The following PCDH9 variants were observed in gnomAD, a reference collection of about 807,000 sequenced individuals.
PCDH9 encodes the protein protocadherin-9.
Under a neutral mutation model 70.6 loss-of-function variants are expected in PCDH9, and 24 were observed. The ratio of observed to expected loss-of-function variants is 0.34; its 90% CI spans 0.25 to 0.48. The LOEUF (loss-of-function observed/expected upper bound fraction) is 0.48. Ranked by LOEUF, PCDH9 falls within the 20% of genes least tolerant of loss-of-function variation. PCDH9 has a pLI of 0.99. For synonymous variants in PCDH9, 562 were observed against 558.5 expected, an observed-to-expected ratio of 1.01 and a Z score of -0.09; for missense variants, 1,281 against 1,503.6, an observed-to-expected ratio of 0.85 and a Z score of 2.45.
intron 2 of PCDH9, among the ~76,000 whole-genome samples, chr13:67,130,073 G>GA (rs2087075007): frequency 6.6e-6 from 1 of 152,088 alleles, no homozygotes; most frequent in African/African-American, 2.4e-5. Context: ...GCATTTATGG[G>GA]AAGGCAGAGA....
intron 3 of PCDH9, among the ~76,000 whole-genome samples, chr13:66,830,758 G>T (rs2080911246): frequency 6.6e-6 from 1 of 152,136 alleles, no homozygotes; most frequent in Non-Finnish European, 1.5e-5. Context: ...GAATTACATG[G>T]TTGATTATTT....
chr13:66,945,726 T>C (rs773621500), intron 2 of PCDH9, among the ~76,000 whole-genome samples: 1 of 152,178 alleles, frequency 6.6e-6, no homozygotes, highest in African/African-American at 2.4e-5. Flanking sequence ...GTTATTTTCA[T>C]CTACTCTCTT....
intron 4 of PCDH9, among the ~76,000 whole-genome samples, chr13:66,605,332 A>T (rs1397116063): frequency 6.6e-6 from 1 of 152,150 alleles, no homozygotes; most frequent in East Asian, 1.9e-4. Context: ...ATCAACAAGT[A>T]ATATATGTTG....
chr13:66,551,981 C>G (rs9540812), intron 4 of PCDH9, among the ~76,000 whole-genome samples: 1 of 151,896 alleles, frequency 6.6e-6, no homozygotes, highest in Admixed American at 6.6e-5. Flanking sequence ...AAATGAACCT[C>G]TTTGTGAACA....
At chr13:66,836,049 T>C (rs2081012244) in intron 3 of PCDH9, among the ~76,000 whole-genome samples, 4 of 152,002 alleles carry the variant, frequency 2.6e-5, no homozygotes, top group African/African-American at 4.8e-5. Flanking sequence ...AGTTGAAACA[T>C]GAGAAACAAA....
chr13:66,701,492 C>T lies in PCDH9; in HGVS notation c.3139-70081G>A, dbSNP rs114525127. On this transcript the variant is annotated intron_variant, in intron 3 of 4. Coordinates refer to ENST00000377865, the MANE Select transcript of PCDH9 (RefSeq NM_203487.3). ...ATATACATTTTATCAATGCTCAGGC[C>T]ACTCAATACTTGAGATTAATTCAGA... 2.0e-3 allele frequency among the ~76,000 whole-genome samples: 309 copies of T among 152,198 alleles called. 1 individual carries two copies. Among genetic ancestry groups the T allele is most frequent in the African/African-American group, 7.3e-3 (303 of 41,522 alleles).
At chr13:66,878,321 G>A (rs1306712424) in intron 3 of PCDH9, among the ~76,000 whole-genome samples, 1 of 151,998 alleles carries the variant, frequency 6.6e-6, no homozygotes, top group Admixed American at 6.6e-5. Context: ...CTGCCTCCCT[G>A]GTTCCAGCGA....
chr13:66,568,994 CTTTTTTTTTTT>C (rs61067249), intron 4 of PCDH9, among the ~76,000 whole-genome samples: 6 of 58,314 alleles, frequency 1.0e-4, no homozygotes, highest in African/African-American at 1.5e-4. Flanking sequence ...GGAAACATGT[CTTTTTTTTTTT>C]TTTTTTTTTT....
intron 4 of PCDH9, among the ~76,000 whole-genome samples, chr13:66,536,763 T>C (rs759398231): frequency 7.2e-5 from 11 of 152,108 alleles, no homozygotes; most frequent in Non-Finnish European, 1.5e-4. Flanking sequence ...AAACCGTGCT[T>C]TTCTATCATC....
chr13:67,201,225 A>G (rs914563278), intron 2 of PCDH9: 4 of 152,074 alleles, frequency 2.6e-5, no homozygotes, highest in African/African-American at 9.7e-5. Flanking sequence ...ATCCGTTTAA[A>G]TAAATAGTAG....
intron 4 of PCDH9, among the ~76,000 whole-genome samples, chr13:66,547,276 T>C (rs1961249514): frequency 6.6e-6 from 1 of 152,348 alleles, no homozygotes; most frequent in Admixed American, 6.5e-5. Flanking sequence ...CTTAGGCACA[T>C]TTATTCTTAA....
At chr13:66,826,555 T>C (rs2080827129) in intron 3 of PCDH9, among the ~76,000 whole-genome samples, 2 of 152,160 alleles carry the variant, frequency 1.3e-5, no homozygotes, top group African/African-American at 4.8e-5. Context: ...TATATATTTA[T>C]GAGATTACTG....
intron 2 of PCDH9, among the ~76,000 whole-genome samples, chr13:66,965,366 C>T (rs969410152): frequency 1.3e-5 from 2 of 152,066 alleles, no homozygotes; most frequent in Non-Finnish European, 2.9e-5. Flanking sequence ...TCATTTCCTT[C>T]CTCCAGGCAT....
At chr13:66,976,817 A>G (rs1259642524) in intron 2 of PCDH9, among the ~76,000 whole-genome samples, 1 of 152,124 alleles carries the variant, frequency 6.6e-6, no homozygotes, top group Admixed American at 6.6e-5. Flanking sequence ...GATGTTTGGG[A>G]AAGTGCAGAG....
At chr13:67,012,731 A>G (rs2084475637) in intron 2 of PCDH9, among the ~76,000 whole-genome samples, 1 of 151,972 alleles carries the variant, frequency 6.6e-6, no homozygotes, top group Non-Finnish European at 1.5e-5. Context: ...TCCTCCAACT[A>G]AATCAAATAG....
chr13:66,718,286 G>C (rs1381985242), intron 3 of PCDH9, among the ~76,000 whole-genome samples: 2 of 152,072 alleles, frequency 1.3e-5, no homozygotes, highest in African/African-American at 4.8e-5. Flanking sequence ...ACTTTATAAG[G>C]TGCTTTTGTA....
At chr13:66,447,729 G>T (rs1958124051) in intron 4 of PCDH9, among the ~76,000 whole-genome samples, 1 of 152,086 alleles carries the variant, frequency 6.6e-6, no homozygotes, top group African/African-American at 2.4e-5. Context: ...AATAATAATT[G>T]AAATAAAGTG....
chr13:66,733,860 A>T (rs1253493722), intron 3 of PCDH9, among the ~76,000 whole-genome samples: 1 of 152,162 alleles, frequency 6.6e-6, no homozygotes, highest in Non-Finnish European at 1.5e-5. Flanking sequence ...CTTATGAAAT[A>T]ACAATGCAAT....
intron 2 of PCDH9, among the ~76,000 whole-genome samples, chr13:66,957,784 G>A (rs930781733): frequency 6.6e-6 from 1 of 151,828 alleles, no homozygotes; most frequent in African/African-American, 2.4e-5. Flanking sequence ...CAACCACACT[G>A]GCACTCTGAT....
Sources: allele counts gnomAD v4.1 joint callset (sites outside exome capture counted in the v4.1 genomes callset), GRCh38; gene constraint gnomAD v4.1.1; transcripts MANE v1.5; gene names NCBI Gene and HGNC (gene_info 2026-07-23, HGNC 2026-07-21).